RBFOX1: variants seen among roughly 807,000 people sequenced by gnomAD.
RBFOX1 encodes the protein RNA binding fox-1 homolog 1.
In RBFOX1, 8 loss-of-function variants were observed where a neutral mutation model predicts 57.7. The ratio of observed to expected loss-of-function variants is 0.14; its 90% CI spans 0.08 to 0.25. The LOEUF (loss-of-function observed/expected upper bound fraction) is 0.25, where lower values mean the gene tolerates loss of function less well. Among genes scored for constraint, RBFOX1 ranks in the 10% least tolerant of loss-of-function variants. RBFOX1 has a pLI of 1.00. For synonymous variants in RBFOX1, 326 were observed against 222.4 expected (o/e 1.47, Z -4.15); for missense variants, 611 against 548.5 (o/e 1.11, Z -1.14).
chr16:6,828,936 C>A (rs996438185), intron 3 of RBFOX1, among the ~76,000 whole-genome samples: 2 of 152,024 alleles, frequency 1.3e-5, no homozygotes, highest in African/African-American at 4.8e-5. Context: ...TCTCTTGAGT[C>A]CGCCTACACT....
intron 1 of RBFOX1, among the ~76,000 whole-genome samples, chr16:6,251,159 T>C (rs1392932005): frequency 6.6e-6 from 1 of 152,156 alleles, no homozygotes; most frequent in Non-Finnish European, 1.5e-5. Flanking sequence ...CCTACAGTAA[T>C]AATAACACTA....
intron 1 of RBFOX1, among the ~76,000 whole-genome samples, chr16:5,378,206 G>C (rs2066037882): frequency 1.3e-5 from 2 of 151,658 alleles, no homozygotes; most frequent in Non-Finnish European, 2.9e-5. Context: ...TTGGGAAGTA[G>C]GGTCACCAGC....
intron 3 of RBFOX1, among the ~76,000 whole-genome samples, chr16:6,792,117 C>T (rs2083086779): frequency 6.6e-6 from 1 of 152,038 alleles, no homozygotes; most frequent in Admixed American, 6.6e-5. Context: ...TTAATTATAT[C>T]ACATAAATAG....
chr16:6,195,333 C>T (rs1197923936), intron 1 of RBFOX1, among the ~76,000 whole-genome samples: 1 of 152,150 alleles, frequency 6.6e-6, no homozygotes, highest in Admixed American at 6.5e-5. Context: ...TTGCTCCCAC[C>T]ACACGTTCCT....
At chr16:5,574,030 G>C (rs1011664742) in intron 2 of RBFOX1, among the ~76,000 whole-genome samples, 5 of 152,206 alleles carry the variant, frequency 3.3e-5, no homozygotes, top group African/African-American at 1.2e-4. Flanking sequence ...TAGCTTCATG[G>C]ATTTGCCCCC....
chr16:7,073,419 T>G (rs1252323620), intron 4 of RBFOX1, among the ~76,000 whole-genome samples: 1 of 152,072 alleles, frequency 6.6e-6, no homozygotes. Flanking sequence ...CATGCATGAG[T>G]TAGCCGAGCG....
intron 5 of RBFOX1, among the ~76,000 whole-genome samples, chr16:7,578,610 A>T (rs1424023966): frequency 1.3e-5 from 2 of 152,170 alleles, no homozygotes; most frequent in Admixed American, 6.5e-5. Flanking sequence ...GCCTACATTG[A>T]TAGTTTTGTC....
intron 1 of RBFOX1, among the ~76,000 whole-genome samples, chr16:6,219,291 A>T (rs928606266): frequency 6.6e-6 from 1 of 152,046 alleles, no homozygotes; most frequent in Non-Finnish European, 1.5e-5. Context: ...CAACACTGGG[A>T]GACTGCATCA....
intron 3 of RBFOX1, among the ~76,000 whole-genome samples, chr16:6,687,749 CTG>C (rs2059646544): frequency 6.6e-6 from 1 of 152,140 alleles, no homozygotes; most frequent in Non-Finnish European, 1.5e-5. Context: ...CACAGCTACT[CTG>C]TTATAGGTCA....
chr16:7,229,217 C>G (rs1356218546), intron 4 of RBFOX1, among the ~76,000 whole-genome samples: 1 of 152,100 alleles, frequency 6.6e-6, no homozygotes. Context: ...TTGCAGTGTC[C>G]CAGTGATGCA....
At chr16:7,590,909 T>C (rs1291032595) in intron 7 of RBFOX1, among the ~76,000 whole-genome samples, 1 of 148,746 alleles carries the variant, frequency 6.7e-6, no homozygotes, top group African/African-American at 2.5e-5. Flanking sequence ...TTTGATTCAG[T>C]AGATATCAGT....
intron 4 of RBFOX1, among the ~76,000 whole-genome samples, chr16:7,496,949 C>G (rs1321642436): frequency 1.3e-5 from 2 of 152,054 alleles, no homozygotes; most frequent in African/African-American, 2.4e-5. Flanking sequence ...GAGAGTGAGC[C>G]TCTGGTTTCA....
intron 4 of RBFOX1, among the ~76,000 whole-genome samples, chr16:7,354,975 C>A (rs907171168): frequency 1.3e-5 from 2 of 152,284 alleles, no homozygotes; most frequent in South Asian, 2.1e-4. Flanking sequence ...TGAAACATGA[C>A]AAATAATGAT....
intron 1 of RBFOX1, among the ~76,000 whole-genome samples, chr16:6,234,551 A>G (rs1254296100): frequency 6.6e-6 from 1 of 152,168 alleles, no homozygotes; most frequent in Non-Finnish European, 1.5e-5. Flanking sequence ...CAGGAATAGG[A>G]GCAGAGAAAT....
upstream of RBFOX1, among the ~76,000 whole-genome samples, chr16:6,018,659 C>T (rs1455112343): frequency 6.6e-6 from 1 of 152,084 alleles, no homozygotes; most frequent in African/African-American, 2.4e-5. Context: ...TCTGCCTGGC[C>T]GGAAGATTTG....
At chr16:5,480,264 G>A (rs1049033677) in intron 2 of RBFOX1, among the ~76,000 whole-genome samples, 1 of 151,994 alleles carries the variant, frequency 6.6e-6, no homozygotes, top group African/African-American at 2.4e-5. Flanking sequence ...AAGCCATTGG[G>A]GGATTTTCTC....
intron 4 of RBFOX1, among the ~76,000 whole-genome samples, chr16:7,367,901 C>CACACAG (rs1226181663): frequency 2.0e-5 from 3 of 151,700 alleles, no homozygotes; most frequent in Non-Finnish European, 4.4e-5. Context: ...CACACACACA[C>CACACAG]ACACACACAC....
At chr16:7,283,540 T>A (rs2095590449) in intron 4 of RBFOX1, among the ~76,000 whole-genome samples, 1 of 152,090 alleles carries the variant, frequency 6.6e-6, no homozygotes, top group African/African-American at 2.4e-5. Flanking sequence ...CCCCTCTGTG[T>A]TGGCCAGGGA....
intron 1 of RBFOX1, among the ~76,000 whole-genome samples, chr16:6,270,767 G>T (rs533934376): frequency 6.6e-6 from 1 of 152,124 alleles, no homozygotes; most frequent in South Asian, 2.1e-4. Context: ...ACAGCAGAAG[G>T]CGTTTCTTTT....
Sources: allele counts gnomAD v4.1 joint callset (sites outside exome capture counted in the v4.1 genomes callset), GRCh38; gene constraint gnomAD v4.1.1; transcripts MANE v1.5; gene names NCBI Gene and HGNC (gene_info 2026-07-23, HGNC 2026-07-21).